The following ZNF326 variants were observed in gnomAD, a reference collection of about 807,000 sequenced individuals.
ZNF326 encodes the protein DBIRD complex subunit ZNF326.
ZNF326 carries 30 observed loss-of-function variants against 63.1 expected under a neutral mutation model. The observed-to-expected ratio is 0.48, with a 90% CI of 0.36 to 0.64. The LOEUF is 0.64. Among genes scored for constraint, ZNF326 ranks in the 30% least tolerant of loss-of-function variants. ZNF326 has a pLI of 0.00. For synonymous variants in ZNF326, 194 were observed against 228.2 expected, an observed-to-expected ratio of 0.85 and a Z score of 1.35; for missense variants, 609 against 720.3, an observed-to-expected ratio of 0.85 and a Z score of 1.77.
intron 11 of ZNF326, among the ~76,000 whole-genome samples, chr1:90,024,620 AT>A (rs1649925996): frequency 2.6e-5 from 4 of 151,726 alleles, no homozygotes; most frequent in Non-Finnish European, 5.9e-5. Flanking sequence ...TTTTTCTTAT[AT>A]ATATATATTT....
Position 90,021,118 on chromosome 1 carries a change from A to G in ZNF326, c.1305+196A>G, listed in dbSNP as rs1032452169. Among the ~76,000 whole-genome samples the G allele has an allele frequency of 1.1e-4, 16 of 152,170 alleles. 1 individual carries two copies. Among genetic ancestry groups the G allele is most frequent in the South Asian group, 2.1e-4 (1 of 4,828 alleles). On this transcript the variant is annotated intron_variant, in intron 10 of 11. Coordinates refer to ENST00000340281, the MANE Select transcript of ZNF326 (RefSeq NM_182976.4). The stretch of plus-strand genomic sequence containing the variant: ...AAAGTAAGACTCCCTGAGTTGTTCA[A>G]TCTATAACATGTGTTACGCAAGCAA...
chr1:89,997,331 C>T (rs6690747), intron 1 of ZNF326, among the ~76,000 whole-genome samples: 55,495 of 151,992 alleles, frequency 0.37, 10,746 homozygotes, highest in Non-Finnish European at 0.44. Context: ...ATATAGAACA[C>T]AGTCATATAT....
At chr1:89,997,199 A>G (rs1205954784) in intron 1 of ZNF326, among the ~76,000 whole-genome samples, 1 of 152,194 alleles carries the variant, frequency 6.6e-6, no homozygotes, top group African/African-American at 2.4e-5. Context: ...GATGACCACT[A>G]TATTAAATTC....
intron 4 of ZNF326, chr1:90,006,106 A>G (rs1557518966): frequency 1.0e-6 from 1 of 985,318 alleles, no homozygotes; most frequent in South Asian, 4.7e-5. Context: ...GGACTGAATG[A>G]TGCTTACTTT....
chr1:90,028,393 A>G lies in ZNF326; in HGVS notation c.*692A>G, dbSNP rs1386362114. The G allele has an allele frequency of 6.6e-6, 1 of 152,252 alleles. No individual in the cohort carries two copies. Among genetic ancestry groups the G allele is most frequent in the Non-Finnish European group, 1.5e-5 (1 of 68,050 alleles). 9.4% of individuals were successfully genotyped at this position (152,252 alleles called of 1,614,324 possible). A position where few individuals can be genotyped will look rare whatever the true frequency, so the allele number is the denominator to read the frequency against. On this transcript the variant is annotated 3_prime_UTR_variant, in exon 12 of 12. Transcript: ENST00000340281. Reference sequence around the variant, plus strand: ...ATTCTCAATCATATTTTTAAAATATAAGACTAAAATTGTTTTTAAAACACA... The same window carrying G: ...ATTCTCAATCATATTTTTAAAATATGAGACTAAAATTGTTTTTAAAACACA...
intron 9 of ZNF326, 66 bp from the exon 10 acceptor site, chr1:90,020,726 G>GT (rs1284130797): frequency 6.6e-7 from 1 of 1,515,330 alleles, no homozygotes; most frequent in Admixed American, 2.0e-5. Flanking sequence ...AAATTAAGTA[G>GT]TAAAAACTTC....
Position 90,033,445 on chromosome 1 carries a change from A to G in ZNF326, c.*5744A>G, listed in dbSNP as rs1349525294. The G allele has an allele frequency of 6.6e-6, 1 of 152,224 alleles. No individual in the cohort carries two copies. The highest frequency in any genetic ancestry group is 1.5e-5 in the Non-Finnish European group (1 of 68,026). The allele number at this position is 152,224 out of a possible 1,614,324, so 9.4% of individuals were successfully genotyped here. On this transcript the variant is annotated 3_prime_UTR_variant, in exon 12 of 12. Transcript: ENST00000340281. Reference sequence around the variant, plus strand: ...ATTAGTATTATATGGAATAATAATTACTACTACTTATAATAGTTTCATATG... The same window carrying G: ...ATTAGTATTATATGGAATAATAATTGCTACTACTTATAATAGTTTCATATG...
At chr1:90,012,518 C>G (rs760257354) in intron 6 of ZNF326, among the ~76,000 whole-genome samples, 2 of 152,046 alleles carry the variant, frequency 1.3e-5, no homozygotes, top group Non-Finnish European at 2.9e-5. Flanking sequence ...GAGATGGTTG[C>G]GTAACTTTGT....
chr1:90,016,655 T>G (rs1649516386), intron 7 of ZNF326, among the ~76,000 whole-genome samples: 1 of 150,232 alleles, frequency 6.7e-6, no homozygotes, highest in African/African-American at 2.5e-5. Context: ...AGGTGGAGGT[T>G]GCAGTGAGCT....
rs866112227 is a variant in ZNF326, at chr1:90,007,463, C to G, written c.328C>G (p.Arg110Gly). The G allele has an allele frequency of 6.2e-7, 1 of 1,613,866 alleles. No homozygotes were observed. The highest frequency in any genetic ancestry group is 8.5e-7 in the Non-Finnish European group (1 of 1,179,966). The change falls in exon 5 of 12, where the codon CGA becomes GGA. Residue 110 changes from arginine to glycine, a missense_variant. This residue lies in a region of ZNF326 where 113 missense variants were observed against 187.4 expected (regional missense o/e 0.60). Coordinates refer to ENST00000340281, the MANE Select transcript of ZNF326 (RefSeq NM_182976.4). The surrounding 1 kb of genome is among the most constrained non-coding windows in gnomAD (Gnocchi z 4.9). ...QSRFGGSYGG[R>G]FESSYRNSLD... ...CCGCTTCGGAGGTAGTTATGGTGGT[C>G]GATTTGAGAGCTCCTACCGGAATAG...
At chr1:90,024,512 T>C (rs551926240) in intron 11 of ZNF326, among the ~76,000 whole-genome samples, 46 of 152,314 alleles carry the variant, frequency 3.0e-4, no homozygotes, top group South Asian at 1.9e-3. Context: ...ATTTTACTTA[T>C]TAACTACCAG....
rs368346382 is a variant in ZNF326, at chr1:90,033,131, G to A, written c.*5430G>A. ...GATAATGATACTGAGAAATTTATTGGTTGGAAAACTGCTATCTACAGGCCT... is the reference window on the plus strand; with the variant it reads ...GATAATGATACTGAGAAATTTATTGATTGGAAAACTGCTATCTACAGGCCT... On this transcript the variant is annotated 3_prime_UTR_variant, in exon 12 of 12. Coordinates refer to ENST00000340281, the MANE Select transcript of ZNF326 (RefSeq NM_182976.4). 29 of 152,184 alleles carry A rather than the reference G, an allele frequency of 1.9e-4. No individual in the cohort carries two copies. The highest frequency in any genetic ancestry group is 6.7e-4 in the African/African-American group (28 of 41,532). The allele number at this position is 152,184 out of a possible 1,614,324, so 9.4% of individuals were successfully genotyped here.
At chr1:90,026,553 G>T (rs1334474290) in intron 11 of ZNF326, among the ~76,000 whole-genome samples, 2 of 151,782 alleles carry the variant, frequency 1.3e-5, no homozygotes, top group Non-Finnish European at 2.9e-5. Flanking sequence ...CTTTCCGTTG[G>T]AATAGTGATT....
intron 11 of ZNF326, among the ~76,000 whole-genome samples, chr1:90,026,154 G>A (rs1462157815): frequency 1.3e-5 from 2 of 152,010 alleles, no homozygotes; most frequent in East Asian, 1.9e-4. Flanking sequence ...TAGTGGAGTC[G>A]GGGTTTCACC....
chr1:90,025,463 T>C (rs1649974520), intron 11 of ZNF326, among the ~76,000 whole-genome samples: 1 of 152,108 alleles, frequency 6.6e-6, no homozygotes, highest in Non-Finnish European at 1.5e-5. Flanking sequence ...CCCGAAATGC[T>C]TCTTAAATAT....
At chr1:90,015,637 G>C (rs373834284) in intron 7 of ZNF326, among the ~76,000 whole-genome samples, 1 of 152,116 alleles carries the variant, frequency 6.6e-6, no homozygotes, top group South Asian at 2.1e-4. Context: ...TTGAGATCGC[G>C]CCACTGCACT....
chr1:90,007,706 G>T lies in ZNF326; in HGVS notation c.571G>T (p.Asp191Tyr). The T allele has an allele frequency of 6.6e-7, 1 of 1,515,728 alleles. No homozygotes were observed. Among genetic ancestry groups the T allele is most frequent in the African/African-American group, 1.4e-5 (1 of 71,724 alleles). 93.9% of individuals were successfully genotyped at this position (1,515,728 alleles called of 1,614,324 possible). The change falls in exon 5 of 12, where the codon GAT (aspartate) becomes TAT (tyrosine). Residue 191 changes from aspartate to tyrosine, a missense_variant. This residue lies in a region of ZNF326 where 113 missense variants were observed against 187.4 expected (regional missense o/e 0.60). Coordinates refer to ENST00000340281, the MANE Select transcript of ZNF326 (RefSeq NM_182976.4). The surrounding 1 kb of genome is among the most constrained non-coding windows in gnomAD (Gnocchi z 4.9). Reference sequence around the variant, plus strand: ...AAGTACGTTTGGAAGCAGAAACTATGATGCTTTTGGAGGACCATCAACAGG... The same window carrying T: ...AAGTACGTTTGGAAGCAGAAACTATTATGCTTTTGGAGGACCATCAACAGG... The part of the protein sequence containing the change: ...PESTFGSRNY[D>Y]AFGGPSTGRG...
chr1:90,024,555 C>G (rs1649923151), intron 11 of ZNF326, among the ~76,000 whole-genome samples: 2 of 152,124 alleles, frequency 1.3e-5, no homozygotes, highest in Admixed American at 1.3e-4. Flanking sequence ...CTCTTCCAAC[C>G]TTTAATAACC....
In ZNF326 at chr1:90,007,220, C is replaced by A; in HGVS notation, c.210-125C>A. 2.1e-6 allele frequency: 2 copies of A among 951,072 alleles called. No homozygotes were observed. The highest frequency in any genetic ancestry group is 3.1e-6 in the Non-Finnish European group (2 of 655,436). 58.9% of individuals were successfully genotyped at this position (951,072 alleles called of 1,614,324 possible). A position where few individuals can be genotyped will look rare whatever the true frequency, so the allele number is the denominator to read the frequency against. ...TAATCAAATGTGAACAAAAGTAGAACTGTGCAAACCAGTATGGTATAAATG... is the reference window on the plus strand; with the variant it reads ...TAATCAAATGTGAACAAAAGTAGAAATGTGCAAACCAGTATGGTATAAATG... On this transcript the variant is annotated intron_variant, in intron 4 of 11. Coordinates refer to ENST00000340281, the MANE Select transcript of ZNF326 (RefSeq NM_182976.4). The surrounding 1 kb of genome is among the most constrained non-coding windows in gnomAD (Gnocchi z 4.9).
Sources: allele counts gnomAD v4.1 joint callset (sites outside exome capture counted in the v4.1 genomes callset), GRCh38; gene constraint gnomAD v4.1.1; regional missense constraint gnomAD v4.1.1; non-coding constraint Gnocchi (gnomAD v3.1); transcripts MANE v1.5; gene names NCBI Gene and HGNC (gene_info 2026-07-23, HGNC 2026-07-21).